RBFOX1: variants seen among roughly 807,000 people sequenced by gnomAD.
RBFOX1 encodes RNA binding fox-1 homolog 1.
Under a neutral mutation model 57.7 loss-of-function variants are expected in RBFOX1, and 8 were observed. That is an observed-to-expected ratio of 0.14 (90% CI 0.08 to 0.25). RBFOX1 has a LOEUF of 0.25. RBFOX1 is among the 10% of genes least tolerant of loss of function. The pLI is 1.00. For synonymous variants in RBFOX1, 326 were observed against 222.4 expected (o/e 1.47, Z -4.15); for missense variants, 611 against 548.5 (o/e 1.11, Z -1.14).
intron 1 of RBFOX1, among the ~76,000 whole-genome samples, chr16:6,129,545 G>C (rs892709158): frequency 2.6e-5 from 4 of 151,986 alleles, no homozygotes; most frequent in African/African-American, 9.7e-5. Context: ...CAAGTAGTCT[G>C]ATATATCTGT....
intron 1 of RBFOX1, among the ~76,000 whole-genome samples, chr16:5,398,052 A>C (rs907597131): frequency 9.4e-5 from 14 of 149,620 alleles, no homozygotes; most frequent in Non-Finnish European, 1.8e-4. Flanking sequence ...GGTGCTGCAA[A>C]GAAAAACCAC....
chr16:5,768,344 G>A (rs1359686394), intron 3 of RBFOX1, among the ~76,000 whole-genome samples: 2 of 152,176 alleles, frequency 1.3e-5, no homozygotes. Flanking sequence ...AAAGGCTGCT[G>A]AAATGTTAGA....
At chr16:6,934,039 A>G (rs2076981117) in intron 3 of RBFOX1, among the ~76,000 whole-genome samples, 3 of 152,212 alleles carry the variant, frequency 2.0e-5, no homozygotes, top group African/African-American at 2.4e-5. Context: ...ACACTGGGCT[A>G]GAGCTGCTGT....
chr16:7,034,841 C>CTTTTTCCTTTTTTTTTT (rs1424741274), intron 3 of RBFOX1, among the ~76,000 whole-genome samples: 1 of 39,166 alleles, frequency 2.6e-5, no homozygotes, highest in African/African-American at 1.2e-4. Context: ...TTTTTTTTTT[C>CTTTTTCCTTTTTTTTTT]TTTTTTCTTT....
At chr16:5,582,756 C>G (rs1222820671) in intron 2 of RBFOX1, among the ~76,000 whole-genome samples, 3 of 152,036 alleles carry the variant, frequency 2.0e-5, no homozygotes, top group African/African-American at 7.2e-5. Context: ...CTGCCTCCTG[C>G]CCTGCCTCGG....
chr16:7,194,876 C>T (rs370214590), intron 4 of RBFOX1, among the ~76,000 whole-genome samples: 52 of 145,446 alleles, frequency 3.6e-4, no homozygotes, highest in African/African-American at 1.1e-3. Context: ...TGCTGTGAGC[C>T]GAGATTGTGC....
intron 4 of RBFOX1, among the ~76,000 whole-genome samples, chr16:7,264,675 A>G (rs1469226776): frequency 6.6e-6 from 1 of 152,200 alleles, no homozygotes; most frequent in South Asian, 2.1e-4. Context: ...GTGTCATGCA[A>G]TCTTATTTTT....
chr16:5,572,937 G>A (rs1376333561), intron 2 of RBFOX1, among the ~76,000 whole-genome samples: 2 of 152,152 alleles, frequency 1.3e-5, no homozygotes, highest in Non-Finnish European at 2.9e-5. Flanking sequence ...TTTCTCTGAG[G>A]GAGACTGGGG....
chr16:5,625,401 G>A (rs755267726), intron 3 of RBFOX1, among the ~76,000 whole-genome samples: 13 of 152,126 alleles, frequency 8.5e-5, no homozygotes, highest in South Asian at 2.1e-4. Context: ...GGTCAAGAAC[G>A]TGGCCATGGG....
chr16:7,278,166 A>G (rs1434166433), intron 4 of RBFOX1, among the ~76,000 whole-genome samples: 2 of 152,174 alleles, frequency 1.3e-5, no homozygotes, highest in African/African-American at 4.8e-5. Flanking sequence ...ACGTGGTTTT[A>G]AGTTGGAAAT....
chr16:5,627,145 T>G (rs996562027), intron 3 of RBFOX1, among the ~76,000 whole-genome samples: 1 of 152,186 alleles, frequency 6.6e-6, no homozygotes, highest in Non-Finnish European at 1.5e-5. Flanking sequence ...GCTGAAAAAA[T>G]CCACCATTAG....
At chr16:5,319,932 C>G (rs996492593) in intron 1 of RBFOX1, among the ~76,000 whole-genome samples, 9 of 152,188 alleles carry the variant, frequency 5.9e-5, no homozygotes, top group African/African-American at 2.2e-4. Flanking sequence ...TTTCATGGGT[C>G]ATCTCTGTGA....
chr16:5,873,846 C>G (rs2057539333), intron 4 of RBFOX1, among the ~76,000 whole-genome samples: 1 of 151,986 alleles, frequency 6.6e-6, no homozygotes, highest in Non-Finnish European at 1.5e-5. Flanking sequence ...AGGTAGTATG[C>G]AGACTGGAGC....
At chr16:6,614,325 A>G (rs2098113743) in intron 2 of RBFOX1, among the ~76,000 whole-genome samples, 1 of 152,202 alleles carries the variant, frequency 6.6e-6, no homozygotes, top group Admixed American at 6.5e-5. Flanking sequence ...CCCTCCAGCC[A>G]TCTTTAAATA....
chr16:6,346,145 G>C (rs2085334275), intron 2 of RBFOX1, among the ~76,000 whole-genome samples: 1 of 152,136 alleles, frequency 6.6e-6, no homozygotes, highest in Admixed American at 6.5e-5. Flanking sequence ...TTTCCCTTTA[G>C]CTTAGTAATT....
rs149419188 is a variant in RBFOX1, at chr16:6,513,817, A to G, written c.-63-140786A>G. On this transcript the variant is annotated intron_variant, in intron 2 of 15. Coordinates refer to ENST00000550418, the MANE Select transcript of RBFOX1 (RefSeq NM_018723.4). ...TGTTTCTGTGGCCACTGCAGAGCCA[A>G]TCAGTTCAAGCGAGAGGGTGGAGTG... Among the ~76,000 whole-genome samples the G allele has an allele frequency of 5.4e-3, 828 of 152,290 alleles. 21 individuals carry two copies. In the East Asian group the frequency reaches 0.093, roughly 17 times the overall value.
At chr16:7,138,375 C>G (rs2072643027) in intron 4 of RBFOX1, among the ~76,000 whole-genome samples, 1 of 152,136 alleles carries the variant, frequency 6.6e-6, no homozygotes, top group Non-Finnish European at 1.5e-5. Flanking sequence ...GGCTTTGGCA[C>G]TATGTCACAT....
At chr16:7,443,239 C>A (rs1346249649) in intron 4 of RBFOX1, among the ~76,000 whole-genome samples, 1 of 151,976 alleles carries the variant, frequency 6.6e-6, no homozygotes, top group East Asian at 1.9e-4. Flanking sequence ...CCAACAAATG[C>A]ATTTCTCCAG....
intron 4 of RBFOX1, among the ~76,000 whole-genome samples, chr16:5,931,915 C>A (rs558640518): frequency 2.0e-5 from 3 of 152,282 alleles, no homozygotes; most frequent in Non-Finnish European, 2.9e-5. Flanking sequence ...TCGAGCATTC[C>A]ACCCACTTCA....
Sources: allele counts gnomAD v4.1 joint callset (sites outside exome capture counted in the v4.1 genomes callset), GRCh38; gene constraint gnomAD v4.1.1; transcripts MANE v1.5; gene names NCBI Gene and HGNC (gene_info 2026-07-23, HGNC 2026-07-21).